The following RAB11FIP4 variants were observed in gnomAD, a reference collection of about 807,000 sequenced individuals.
RAB11FIP4 encodes the protein RAB11 family interacting protein 4.
A neutral mutation model predicts 74.3 loss-of-function variants in RAB11FIP4; 23 were observed. The ratio of observed to expected loss-of-function variants is 0.31; its 90% CI spans 0.22 to 0.44. The LOEUF is 0.44. Among genes scored for constraint, RAB11FIP4 ranks in the 20% least tolerant of loss-of-function variants. The pLI, the probability that RAB11FIP4 is intolerant of heterozygous loss-of-function variation, is 1.00. For synonymous variants in RAB11FIP4, 360 were observed against 359.9 expected (o/e 1.00, Z 0.00); for missense variants, 630 against 863.9 (o/e 0.73, Z 3.39).
At chr17:31,499,645 G>A (rs1025638944) in intron 3 of RAB11FIP4, among the ~76,000 whole-genome samples, 5 of 152,200 alleles carry the variant, frequency 3.3e-5, no homozygotes, top group Admixed American at 6.5e-5. Flanking sequence ...ATGAGCCACC[G>A]CACCTGGCCA....
rs545697952 is a variant in RAB11FIP4, at chr17:31,418,159, G to A, written c.160-13654G>A. On this transcript the variant is annotated intron_variant, in intron 1 of 14. Coordinates refer to ENST00000621161, the MANE Select transcript of RAB11FIP4 (RefSeq NM_032932.6). ...TCCCAGCACTTTGGGAGGACAAGGC[G>A]GGCGGATCACCTGAGGTCAGGAGTT... Among the ~76,000 whole-genome samples, 16 of 152,172 alleles carry A rather than the reference G, an allele frequency of 1.1e-4. No individual in the cohort carries two copies. In the East Asian group the frequency reaches 1.7e-3, roughly 17 times the overall value.
intron 1 of RAB11FIP4, among the ~76,000 whole-genome samples, chr17:31,393,116 C>CG (rs1388525797): frequency 5.9e-5 from 9 of 152,222 alleles, no homozygotes; most frequent in Non-Finnish European, 8.8e-5. Context: ...GGGCATGGGC[C>CG]GGGACTTGTG....
intron 3 of RAB11FIP4, among the ~76,000 whole-genome samples, chr17:31,457,506 C>A (rs939800817): frequency 6.6e-6 from 1 of 152,116 alleles, no homozygotes; most frequent in African/African-American, 2.4e-5. Flanking sequence ...CCACCCCAGT[C>A]CCCCCTGGAA....
chr17:31,471,703 G>A (rs994037893), intron 3 of RAB11FIP4, among the ~76,000 whole-genome samples: 6 of 152,102 alleles, frequency 3.9e-5, no homozygotes, highest in Non-Finnish European at 7.4e-5. Context: ...AGCAGCTCCC[G>A]AGCTCTCGGT....
chr17:31,401,339 C>A (rs1328529472), intron 1 of RAB11FIP4, among the ~76,000 whole-genome samples: 1 of 152,118 alleles, frequency 6.6e-6, no homozygotes, highest in Non-Finnish European at 1.5e-5. Flanking sequence ...CCCCCAGGGG[C>A]CATAGCTTAG....
At chr17:31,505,633 A>ATATT (rs1567681531) in intron 3 of RAB11FIP4, among the ~76,000 whole-genome samples, 1 of 70,802 alleles carries the variant, frequency 1.4e-5, no homozygotes, top group East Asian at 2.6e-4. Context: ...ATAATTATAT[A>ATATT]ATAATAATTA....
At chr17:31,400,836 AC>A in intron 1 of RAB11FIP4, among the ~76,000 whole-genome samples, 1 of 151,978 alleles carries the variant, frequency 6.6e-6, no homozygotes, top group East Asian at 1.9e-4. Flanking sequence ...AGGTCTGGGG[AC>A]CACGCTTCAG....
chr17:31,424,027 C>T (rs2151624824), intron 1 of RAB11FIP4, among the ~76,000 whole-genome samples: 1 of 152,202 alleles, frequency 6.6e-6, no homozygotes, highest in South Asian at 2.1e-4. Context: ...CTCGATTTTT[C>T]CCAGGAGGCC....
At chr17:31,498,670 G>C (rs2072161817) in intron 3 of RAB11FIP4, among the ~76,000 whole-genome samples, 1 of 152,216 alleles carries the variant, frequency 6.6e-6, no homozygotes, top group African/African-American at 2.4e-5. Context: ...CCCTGGCTTT[G>C]GACCGTGGGT....
chr17:31,393,160 G>T (rs2070893006), intron 1 of RAB11FIP4, among the ~76,000 whole-genome samples: 1 of 152,256 alleles, frequency 6.6e-6, no homozygotes, highest in African/African-American at 2.4e-5. Context: ...AGAGAGTGAG[G>T]CAGCTTCAGG....
rs188196585 is a variant in RAB11FIP4 at position 31,426,159 on chromosome 17, C to A, written c.160-5654C>A. 9.8e-3 allele frequency among the ~76,000 whole-genome samples: 1,498 copies of A among 152,270 alleles called. 9 individuals are homozygous for A. Among genetic ancestry groups the A allele is most frequent in the Non-Finnish European group, 0.015 (1,002 of 68,018 alleles). ...AGGGGATAGAAAGAACACTTTAGTG[C>A]AGACAGCCCCGTGAGAGTCTCTGGC... On this transcript the variant is annotated intron_variant, in intron 1 of 14. Transcript: ENST00000621161.
chr17:31,519,476 T>G (rs1230240066), intron 4 of RAB11FIP4, among the ~76,000 whole-genome samples: 2 of 152,194 alleles, frequency 1.3e-5, no homozygotes, highest in Non-Finnish European at 2.9e-5. Context: ...AAGGAGTCCC[T>G]TCCATCTCAG....
intron 3 of RAB11FIP4, among the ~76,000 whole-genome samples, chr17:31,484,069 ATC>A (rs994298941): frequency 7.1e-5 from 8 of 112,006 alleles, no homozygotes; most frequent in Non-Finnish European, 1.0e-4. Flanking sequence ...GCAAGATCTT[ATC>A]TTTTTTTTTT....
chr17:31,474,574 CAGG>C (rs758320155), intron 3 of RAB11FIP4, among the ~76,000 whole-genome samples: 60 of 151,154 alleles, frequency 4.0e-4, no homozygotes, highest in Non-Finnish European at 7.5e-4. Flanking sequence ...GGGGCTGAGG[CAGG>C]AGATTCACTT....
rs553116627 is a variant in RAB11FIP4, at chr17:31,513,955, T to C, written c.337-3696T>C. 2.0e-5 allele frequency among the ~76,000 whole-genome samples: 3 copies of C among 152,320 alleles called. No individual in the cohort carries two copies. In the East Asian group the frequency reaches 5.8e-4, roughly 29 times the overall value. The stretch of plus-strand genomic sequence containing the variant: ...ACGGAGCTGATGAATCCCAGATCTC[T>C]GCCCTGTCTACCCCAGGCAGCTCGC... On this transcript the variant is annotated intron_variant, in intron 3 of 14. Coordinates refer to ENST00000621161, the MANE Select transcript of RAB11FIP4 (RefSeq NM_032932.6).
intron 3 of RAB11FIP4, among the ~76,000 whole-genome samples, chr17:31,450,444 A>G (rs1248785635): frequency 6.6e-6 from 1 of 151,842 alleles, no homozygotes; most frequent in Non-Finnish European, 1.5e-5. Flanking sequence ...TCCGGGGTTC[A>G]AGCGATTCTC....
At chr17:31,524,873 TCTGA>T (rs1360158043) in intron 9 of RAB11FIP4, 11 of 628,190 alleles carry the variant, frequency 1.8e-5, no homozygotes, top group Non-Finnish European at 2.8e-5. Context: ...CGCCCCACCT[TCTGA>T]CTGCCAGGCC....
intron 3 of RAB11FIP4, among the ~76,000 whole-genome samples, chr17:31,503,315 G>A (rs533922196): frequency 6.7e-6 from 1 of 149,782 alleles, no homozygotes; most frequent in African/African-American, 2.6e-5. Context: ...TTGTAGGTGT[G>A]AGCCTGCAGT....
rs201664690 is a variant in RAB11FIP4, at chr17:31,499,750, C to CA, written c.337-17901_337-17900insA. 6.8e-3 allele frequency among the ~76,000 whole-genome samples: 1,029 copies of CA among 152,252 alleles called. 12 individuals carry two copies. The highest frequency in any genetic ancestry group is 0.023 in the African/African-American group (972 of 41,526). On this transcript the variant is annotated intron_variant, in intron 3 of 14. Transcript: ENST00000621161. ...AGCAGACTGGCCACATGGTAGGCGCCCTAGTATGTCAACTTTGTTCTCTTT... is the reference window on the plus strand; with the variant it reads ...AGCAGACTGGCCACATGGTAGGCGCCACTAGTATGTCAACTTTGTTCTCTTT...
Sources: allele counts gnomAD v4.1 joint callset (sites outside exome capture counted in the v4.1 genomes callset), GRCh38; gene constraint gnomAD v4.1.1; transcripts MANE v1.5; gene names NCBI Gene and HGNC (gene_info 2026-07-23, HGNC 2026-07-21).